The following TNR variants were observed in gnomAD, a reference collection of about 807,000 sequenced individuals.
TNR encodes the protein tenascin R, also known as tenascin-R.
A neutral mutation model predicts 150.4 loss-of-function variants in TNR; 45 were observed. The observed-to-expected ratio is 0.30, with a 90% CI of 0.24 to 0.38. The LOEUF (loss-of-function observed/expected upper bound fraction) is 0.38, where lower values mean the gene tolerates loss of function less well. TNR is among the 10% of genes least tolerant of loss of function. The pLI, the probability that TNR is intolerant of heterozygous loss-of-function variation, is 1.00. For synonymous variants in TNR, 687 were observed against 678.4 expected (o/e 1.01, Z -0.20); for missense variants, 1,544 against 1,759.1 (o/e 0.88, Z 2.19).
At chr1:175,365,319 G>A (rs1234092437) in intron 11 of TNR, 40 bp from the exon 12 acceptor site, 2 of 1,553,864 alleles carry the variant, frequency 1.3e-6, no homozygotes, top group Admixed American at 3.7e-5. Context: ...AAACACGTGA[G>A]GAGATGGGTC....
chr1:175,446,465 C>T (rs1656049683), intron 2 of TNR, among the ~76,000 whole-genome samples: 1 of 152,098 alleles, frequency 6.6e-6, no homozygotes, highest in South Asian at 2.1e-4. Context: ...GTGACATAGT[C>T]TAATTTATGG....
intron 1 of TNR, among the ~76,000 whole-genome samples, chr1:175,734,760 T>C (rs1571803400): frequency 6.6e-6 from 1 of 152,136 alleles, no homozygotes; most frequent in Non-Finnish European, 1.5e-5. Flanking sequence ...AAAAGGGGAG[T>C]GCATCATTGC....
intron 2 of TNR, among the ~76,000 whole-genome samples, chr1:175,513,015 C>T (rs76159039): frequency 0.025 from 3,802 of 152,262 alleles, 71 homozygotes; most frequent in Non-Finnish European, 0.036. Flanking sequence ...AGTATGGTTC[C>T]CTGGCCCCAA....
rs1046697739 is a variant in TNR at position 175,373,038 on chromosome 1, T to A, written c.1964-5741A>T. ...TTAGGTCTTTGGGTCAAAGATTTTA[T>A]TTTTTTCAGTATGTAGTATAGTGAG... On this transcript the variant is annotated intron_variant, in intron 9 of 22. Transcript: ENST00000367674. Among the ~76,000 whole-genome samples, 3 of 152,202 alleles carry A rather than the reference T, an allele frequency of 2.0e-5. 1 individual carries two copies. The South Asian group carries it at 6.2e-4, about 32-fold the overall frequency.
intron 1 of TNR, among the ~76,000 whole-genome samples, chr1:175,703,249 C>G (rs946583714): frequency 3.3e-5 from 5 of 152,168 alleles, no homozygotes; most frequent in Non-Finnish European, 5.9e-5. Flanking sequence ...ATTAGTAATG[C>G]AATCATTATA....
intron 1 of TNR, among the ~76,000 whole-genome samples, chr1:175,603,923 C>G (rs1413364955): frequency 5.9e-5 from 9 of 152,214 alleles, no homozygotes; most frequent in Admixed American, 5.9e-4. Flanking sequence ...TTGGTCAACA[C>G]AGAGAAAGGA....
intron 1 of TNR, among the ~76,000 whole-genome samples, chr1:175,717,753 C>T (rs534591469): frequency 3.3e-5 from 5 of 152,286 alleles, no homozygotes; most frequent in East Asian, 3.9e-4. Flanking sequence ...ATTTAAACCA[C>T]GTCCCTTTGT....
At chr1:175,538,090 C>T (rs1050141125) in intron 1 of TNR, among the ~76,000 whole-genome samples, 5 of 152,124 alleles carry the variant, frequency 3.3e-5, no homozygotes, top group Non-Finnish European at 7.4e-5. Flanking sequence ...GAGCTTAGTG[C>T]ATATAGGAGC....
rs1290304477 is a variant in TNR, at chr1:175,335,528, C to T, written c.3631+183G>A. The T allele has an allele frequency of 7.0e-6, 4 of 570,816 alleles. No homozygotes were observed. In the East Asian group the frequency reaches 8.8e-5, roughly 13 times the overall value. The allele number at this position is 570,816 out of a possible 1,614,324, so 35.4% of individuals were successfully genotyped here. A position where few individuals can be genotyped will look rare whatever the true frequency, so the allele number is the denominator to read the frequency against. On this transcript the variant is annotated intron_variant, in intron 20 of 22. Coordinates refer to ENST00000367674, the MANE Select transcript of TNR (RefSeq NM_003285.3). Reference sequence around the variant, plus strand: ...AGACAGAGAAAAGAGGGAAACACCACAGTAAGATAAAAACAGATCAATAGT... The same window carrying T: ...AGACAGAGAAAAGAGGGAAACACCATAGTAAGATAAAAACAGATCAATAGT...
At chr1:175,337,711 A>T (rs769604902) in intron 18 of TNR, 32 bp from the exon 19 acceptor site, 101 of 1,610,930 alleles carry the variant, frequency 6.3e-5, no homozygotes, top group Non-Finnish European at 8.5e-5. Context: ...TCCAGAAAGG[A>T]TTCTTTCTCT....
In TNR at chr1:175,331,078, C is replaced by CCTTCTCTTTCTTTCT. The variant is rs1649823861; in HGVS notation, c.3632-844_3632-843insAGAAAGAAAGAGAAG. On this transcript the variant is annotated intron_variant, in intron 20 of 22. Coordinates refer to ENST00000367674, the MANE Select transcript of TNR (RefSeq NM_003285.3). The stretch of plus-strand genomic sequence containing the variant: ...CTTTCTTTCTTTCTTTCTTTCTTTC[C>CCTTCTCTTTCTTTCT]TTCTTTCTTTCTTTCTTTCTTTCTC... 1.8e-4 allele frequency among the ~76,000 whole-genome samples: 11 copies of CCTTCTCTTTCTTTCT among 59,944 alleles called. No individual in the cohort carries two copies. The East Asian group carries it at 2.3e-3, about 13-fold the overall frequency. The allele number at this position is 59,944 out of a possible 152,430, so 39.3% of individuals were successfully genotyped here.
At chr1:175,649,847 C>A (rs750270257) in intron 1 of TNR, among the ~76,000 whole-genome samples, 10 of 152,206 alleles carry the variant, frequency 6.6e-5, no homozygotes, top group Admixed American at 1.3e-4. Context: ...CTACCTGGGG[C>A]TCCTCACATG....
At chr1:175,601,341 AC>A (rs1663227568) in intron 1 of TNR, among the ~76,000 whole-genome samples, 1 of 152,182 alleles carries the variant, frequency 6.6e-6, no homozygotes, top group East Asian at 1.9e-4. Context: ...CCACTATTAC[AC>A]AAAACTTAGT....
chr1:175,324,446 G>A lies in TNR; in HGVS notation c.3867C>T (p.Asn1289=), dbSNP rs369444507. The A allele has an allele frequency of 8.1e-6, 13 of 1,614,036 alleles. No homozygotes were observed. The highest frequency in any genetic ancestry group is 2.7e-5 in the African/African-American group (2 of 74,916). The stretch of plus-strand genomic sequence containing the variant: ...ATGCTCCCTTGTACGACATGGCACA[G>A]TTAGTCACTGCAACATCATTGTCTC... ...EDRDNDVAVT[N]CAMSYKGAWW... is the part of the protein sequence containing the mutation. Residue 1289 remains asparagine, a synonymous_variant, in exon 22 of 23, where the codon AAC becomes AAT. Coordinates refer to ENST00000367674, the MANE Select transcript of TNR (RefSeq NM_003285.3).
intron 1 of TNR, among the ~76,000 whole-genome samples, chr1:175,641,451 C>A (rs1664657024): frequency 6.6e-6 from 1 of 152,020 alleles, no homozygotes; most frequent in East Asian, 1.9e-4. Context: ...CCTAAGTGTC[C>A]TTATAGGGAG....
chr1:175,413,776 C>T (rs1002474777), intron 2 of TNR, among the ~76,000 whole-genome samples: 1 of 152,082 alleles, frequency 6.6e-6, no homozygotes, highest in Non-Finnish European at 1.5e-5. Flanking sequence ...GAGGTAAGGG[C>T]TTTGGGAGGT....
At chr1:175,458,469 G>A (rs1023967007) in intron 2 of TNR, among the ~76,000 whole-genome samples, 5 of 152,178 alleles carry the variant, frequency 3.3e-5, no homozygotes, top group African/African-American at 1.2e-4. Context: ...AATAATTAAC[G>A]CAATATATGA....
rs76438751 is a variant in TNR at position 175,642,570 on chromosome 1, G to A, written c.-165+100656C>T. Among the ~76,000 whole-genome samples the A allele has an allele frequency of 9.4e-3, 1,428 of 152,240 alleles. 8 individuals are homozygous for A. Among genetic ancestry groups the A allele is most frequent in the East Asian group, 0.024 (125 of 5,176 alleles). ...GGGCTGAGGTTGGCAGCCAGGATGC[G>A]GTGCAAGGATTGCGGGGAGAGTGAA... On this transcript the variant is annotated intron_variant, in intron 1 of 22. Coordinates refer to ENST00000367674, the MANE Select transcript of TNR (RefSeq NM_003285.3).
intron 2 of TNR, among the ~76,000 whole-genome samples, chr1:175,527,652 G>T (rs917739361): frequency 7.2e-5 from 11 of 152,282 alleles, no homozygotes; most frequent in Middle Eastern, 6.8e-3. Context: ...TATTCACTGT[G>T]CCTGACAACT....
Sources: gnomAD v4.1 joint callset for allele counts (sites outside exome capture counted in the v4.1 genomes callset) on GRCh38, gnomAD v4.1.1 for gene constraint, MANE v1.5 for transcripts, NCBI Gene and HGNC (gene_info 2026-07-23, HGNC 2026-07-21) for gene names.